Variants in PIR observed in about 807,000 individuals in gnomAD.
PIR encodes the protein pirin (iron-binding nuclear protein).
In PIR, 22 loss-of-function variants were observed where a neutral mutation model predicts 24.2. The ratio of observed to expected loss-of-function variants is 0.91; its 90% confidence interval spans 0.65 to 1.30. The LOEUF (loss-of-function observed/expected upper bound fraction) is 1.30, where lower values mean the gene tolerates loss of function less well. PIR is among the 50% of genes most tolerant of loss of function. The probability of loss-of-function intolerance (pLI) is 0.00; values close to 1 mark genes in which losing one functional copy is unlikely to be tolerated. For missense variants in PIR, 220 were observed against 220.3 expected (o/e 1.00, Z 0.01); for synonymous variants, 80 against 79.6 (o/e 1.00, Z -0.03).
In PIR at chrX:15,401,641, T is replaced by A. The variant is rs146912395; in HGVS notation, c.611-4110A>T. 6.9e-3 allele frequency among the ~76,000 whole-genome samples: 776 copies of A among 112,022 alleles called. 7 individuals carry two copies. Among genetic ancestry groups the A allele is most frequent in the African/African-American group, 0.023 (714 of 30,733 alleles). On this transcript the variant is annotated intron_variant, in intron 7 of 9. Coordinates refer to ENST00000380420, the MANE Select transcript of PIR (RefSeq NM_001018109.3). ...GATAACAAATAGTTTCCACTGGGAATCACTGCCAAGAATGTTAAATTTAAT... is the reference window on the plus strand; with the variant it reads ...GATAACAAATAGTTTCCACTGGGAAACACTGCCAAGAATGTTAAATTTAAT...
chrX:15,404,118 G>C (rs1924483123), intron 7 of PIR, among the ~76,000 whole-genome samples: 1 of 109,979 alleles, frequency 9.1e-6, no homozygotes, highest in Non-Finnish European at 1.9e-5. Context: ...TCCTGCCTCG[G>C]CCTCCCGTGT....
At position 15,408,082 on chromosome X, in the gene PIR, G is replaced by A. The variant is rs1022765221; in HGVS notation, c.566-532C>T. ...CTGCCTCAGCCTTCCTAGTAGCTGG[G>A]ATTACAGGCACACGCCACCACATCT... On this transcript the variant is annotated intron_variant, in intron 6 of 9. Coordinates refer to ENST00000380420, the MANE Select transcript of PIR (RefSeq NM_001018109.3). Among the ~76,000 whole-genome samples the A allele has an allele frequency of 9.0e-5, 10 of 111,375 alleles. No homozygotes were observed. The Admixed American group carries it at 9.5e-4, about 11-fold the overall frequency.
chrX:15,448,154 G>A (rs1424176308), intron 5 of PIR, among the ~76,000 whole-genome samples: 2 of 112,079 alleles, frequency 1.8e-5, no homozygotes, highest in African/African-American at 6.5e-5. Context: ...GGGCTGCCCT[G>A]GGCAAGAGGA....
At chrX:15,450,159 T>C (rs1317309193) in intron 5 of PIR, among the ~76,000 whole-genome samples, 1 of 111,996 alleles carries the variant, frequency 8.9e-6, no homozygotes, top group Non-Finnish European at 1.9e-5. Flanking sequence ...AAAGGGAACA[T>C]TTGTTAAATA....
intron 7 of PIR, among the ~76,000 whole-genome samples, chrX:15,403,431 G>A (rs921911095): frequency 8.0e-5 from 9 of 112,162 alleles, no homozygotes; most frequent in Non-Finnish European, 1.5e-4. Flanking sequence ...CTGATAAACT[G>A]TACCAAGCTA....
chrX:15,395,505 T>C (rs1239828554), intron 8 of PIR, among the ~76,000 whole-genome samples: 1 of 112,076 alleles, frequency 8.9e-6, no homozygotes, highest in Non-Finnish European at 1.9e-5. Context: ...TTTGGCCTAT[T>C]GGACATAATT....
chrX:15,474,648 T>C (rs1165082337), intron 3 of PIR, among the ~76,000 whole-genome samples: 1 of 111,976 alleles, frequency 8.9e-6, no homozygotes. Flanking sequence ...TCTCAAATCA[T>C]GCCAAATGAA....
Position 15,491,201 on chromosome X carries a change from C to G in PIR, c.57G>C (p.Gly19=), listed in dbSNP as rs746060528. The G allele has an allele frequency of 2.5e-6, 3 of 1,208,361 alleles. No homozygotes were observed. In the South Asian group the frequency reaches 5.3e-5, roughly 21 times the overall value. ...TGCTTCTCCGGACCCTCGCTCCAACCCCTTCCGACTGCTCCCGGCTGAGCA... is the reference window on the plus strand; with the variant it reads ...TGCTTCTCCGGACCCTCGCTCCAACGCCTTCCGACTGCTCCCGGCTGAGCA... ...LSVLSREQSE[G]VGARVRRSIG... Residue 19 remains glycine, a synonymous_variant, in exon 2 of 10, where the codon GGG becomes GGC. Coordinates refer to ENST00000380420, the MANE Select transcript of PIR (RefSeq NM_001018109.3).
intron 9 of PIR, among the ~76,000 whole-genome samples, chrX:15,386,759 G>A (rs965671589): frequency 2.7e-5 from 3 of 110,459 alleles, no homozygotes; most frequent in South Asian, 3.9e-4. Context: ...GATCAAAGGC[G>A]GAAAAAATGG....
intron 3 of PIR, among the ~76,000 whole-genome samples, chrX:15,475,753 G>A: frequency 9.0e-6 from 1 of 111,709 alleles, no homozygotes; most frequent in Non-Finnish European, 1.9e-5. Context: ...ACCAGAAACA[G>A]GGTAAATGCA....
At chrX:15,425,054 A>G (rs1312258583) in intron 6 of PIR, among the ~76,000 whole-genome samples, 1 of 111,179 alleles carries the variant, frequency 9.0e-6, no homozygotes, top group Non-Finnish European at 1.9e-5. Context: ...AAAGAACAAA[A>G]TAGGCCTTAA....
In PIR at chrX:15,462,772, C is replaced by T. The variant is rs961807091; in HGVS notation, c.190-3032G>A. Among the ~76,000 whole-genome samples, 5 of 111,655 alleles carry T rather than the reference C, an allele frequency of 4.5e-5. No individual in the cohort carries two copies. The Admixed American group carries it at 4.8e-4, about 11-fold the overall frequency. The stretch of plus-strand genomic sequence containing the variant: ...TATTTAGGACATAATCATAAGATAT[C>T]AATTCAAATATATAAAACCTATGAT... On this transcript the variant is annotated intron_variant, in intron 3 of 9. Transcript: ENST00000380420.
At chrX:15,459,230 G>T (rs1921201366) in intron 4 of PIR, among the ~76,000 whole-genome samples, 1 of 111,822 alleles carries the variant, frequency 8.9e-6, no homozygotes, top group South Asian at 3.7e-4. Flanking sequence ...CAGCAGAGAG[G>T]TCTAGAAAGA....
At chrX:15,491,475 G>A (rs1923157358) in intron 1 of PIR, among the ~76,000 whole-genome samples, 166 bp from the exon 2 acceptor site, 1 of 111,987 alleles carries the variant, frequency 8.9e-6, no homozygotes, top group South Asian at 3.7e-4. Flanking sequence ...CAACCATAAT[G>A]ATGGTGAACA....
At position 15,479,774 on chromosome X, in the gene PIR, A is replaced by C; in HGVS notation, c.144T>G (p.Gly48=). Residue 48 remains glycine (G), a synonymous_variant, in exon 3 of 10, where the codon GGT becomes GGG. Transcript: ENST00000380420. The part of the protein sequence containing the change: ...PFLLFDEFKG[G]RPGGFPDHPH... ...GATGATCAGGAAATCCTCCTGGTCT[A>C]CCTCCTTTAAATTCATCAAACAGTA... is the stretch of plus-strand genomic sequence containing the variant. The C allele has an allele frequency of 8.5e-7, 1 of 1,182,596 alleles. No homozygotes were observed. The highest frequency in any genetic ancestry group is 1.9e-5 in the South Asian group (1 of 53,593).
intron 5 of PIR, among the ~76,000 whole-genome samples, chrX:15,451,147 T>C (rs749634474): frequency 1.8e-5 from 2 of 111,773 alleles, no homozygotes; most frequent in South Asian, 7.6e-4. Context: ...CCAATGCTTG[T>C]ACAGCTAAAC....
intron 2 of PIR, among the ~76,000 whole-genome samples, chrX:15,484,606 C>T (rs2316995): frequency 0.43 from 47,373 of 110,004 alleles, 7,344 homozygotes; most frequent in East Asian, 0.46. Context: ...TGAGCCACTG[C>T]GCCCGGCCTC....
chrX:15,464,642 A>G (rs1420244914), intron 3 of PIR, among the ~76,000 whole-genome samples: 1 of 112,351 alleles, frequency 8.9e-6, no homozygotes, highest in African/African-American at 3.2e-5. Context: ...TTATGTCAGA[A>G]TAGGAACAAA....
At chrX:15,492,539 A>T (rs1411178594) in intron 1 of PIR, among the ~76,000 whole-genome samples, 3 of 111,779 alleles carry the variant, frequency 2.7e-5, no homozygotes, top group African/African-American at 9.8e-5. Flanking sequence ...TCCTTCAAAG[A>T]TTCCTACTGA....
Sources: allele counts gnomAD v4.1 joint callset (sites outside exome capture counted in the v4.1 genomes callset), GRCh38; gene constraint gnomAD v4.1.1; transcripts MANE v1.5; gene names NCBI Gene and HGNC (gene_info 2026-07-23, HGNC 2026-07-21).